Variants in CCNE1 observed in about 807,000 individuals in gnomAD.
The protein encoded by CCNE1 is cyclin E1.
Under a neutral mutation model 54.1 loss-of-function variants are expected in CCNE1, and 8 were observed. The ratio of observed to expected loss-of-function variants is 0.15; its 90% CI spans 0.09 to 0.27. The LOEUF is 0.27. CCNE1 is among the 10% of genes least tolerant of loss of function. The pLI, the probability that CCNE1 is intolerant of heterozygous loss-of-function variation, is 1.00. For synonymous variants in CCNE1, 179 were observed against 185.2 expected, an observed-to-expected ratio of 0.97 and a Z score of 0.27; for missense variants, 430 against 514.9, an observed-to-expected ratio of 0.84 and a Z score of 1.60.
Position 29,823,676 on chromosome 19 carries a change from G to T in CCNE1, c.1132G>T (p.Ala378Ser), listed in dbSNP as rs1463404926. ...DLLDKARAKK[A>S]MLSEQNRASP... The stretch of plus-strand genomic sequence containing the variant: ...ACAGGACAAAGCCCGAGCAAAGAAA[G>T]CCATGTTGTCTGAACAAAATAGGGC... The change falls in exon 12 of 12, where the codon GCC becomes TCC. Residue 378 changes from alanine (A) to serine (S), a missense_variant. This residue lies in a region of CCNE1 where 303 missense variants were observed against 401.1 expected (regional missense o/e 0.76). Transcript: ENST00000262643. The T allele has an allele frequency of 3.1e-6, 5 of 1,614,000 alleles. No homozygotes were observed. The highest frequency in any genetic ancestry group is 2.2e-5 in the East Asian group (1 of 44,852).
At chr19:29,815,642 G>T (rs1329107502) in intron 4 of CCNE1, among the ~76,000 whole-genome samples, 4 of 114,690 alleles carry the variant, frequency 3.5e-5, no homozygotes, top group Non-Finnish European at 6.9e-5. Flanking sequence ...TTTTTTTTTG[G>T]GGGGGGGACA....
At position 29,812,516 on chromosome 19, in the gene CCNE1, C is replaced by G. The variant is rs1310763192; in HGVS notation, c.-24-16C>G. Reference sequence around the variant, plus strand: ...GGCCTGACCCCGCCGCCGCCTCACCCCGCGCCGCCCCGCAGGCCTCAGGCC... The same window carrying G: ...GGCCTGACCCCGCCGCCGCCTCACCGCGCGCCGCCCCGCAGGCCTCAGGCC... On this transcript the variant is annotated splice_polypyrimidine_tract_variant and intron_variant, in intron 1 of 11. Coordinates refer to ENST00000262643, the MANE Select transcript of CCNE1 (RefSeq NM_001238.4). The G allele has an allele frequency of 2.3e-6, 3 of 1,290,144 alleles. No homozygotes were observed. The highest frequency in any genetic ancestry group is 2.9e-4 in the Middle Eastern group (1 of 3,394). 79.9% of individuals were successfully genotyped at this position (1,290,144 alleles called of 1,614,324 possible). A position where few individuals can be genotyped will look rare whatever the true frequency, so the allele number is the denominator to read the frequency against.
chr19:29,818,911 C>T (rs753295544), intron 6 of CCNE1, among the ~76,000 whole-genome samples: 22 of 152,070 alleles, frequency 1.4e-4, no homozygotes, highest in Non-Finnish European at 2.6e-4. Flanking sequence ...TACAGGCATA[C>T]GCCACCACGC....
rs1330739734 is a variant in CCNE1 at position 29,812,794 on chromosome 19, A to G, written c.111+18A>G. ...TGACCGTTGTGAGTACAAAAGAGACAGGTTGGGGAGCATCCCCCCCATCTC... is the reference window on the plus strand; with the variant it reads ...TGACCGTTGTGAGTACAAAAGAGACGGGTTGGGGAGCATCCCCCCCATCTC... On this transcript the variant is annotated intron_variant, in intron 3 of 11. Coordinates refer to ENST00000262643, the MANE Select transcript of CCNE1 (RefSeq NM_001238.4). 1 of 1,538,282 alleles carries G rather than the reference A, an allele frequency of 6.5e-7. No homozygotes were observed. Among genetic ancestry groups the G allele is most frequent in the East Asian group, 2.3e-5 (1 of 42,958 alleles).
At chr19:29,813,972 G>T (rs1973953580) in intron 4 of CCNE1, among the ~76,000 whole-genome samples, 1 of 152,192 alleles carries the variant, frequency 6.6e-6, no homozygotes, top group Non-Finnish European at 1.5e-5. Flanking sequence ...CCCTCACTTT[G>T]CAGAGCAGCA....
intron 4 of CCNE1, among the ~76,000 whole-genome samples, chr19:29,815,803 A>G (rs1237930990): frequency 6.7e-6 from 1 of 148,232 alleles, no homozygotes; most frequent in African/African-American, 2.5e-5. Context: ...TAATTTTTGT[A>G]TTTTTAGTAG....
Position 29,817,275 on chromosome 19 carries a change from G to C in CCNE1, c.319G>C (p.Val107Leu). 1 of 1,614,152 alleles carries C rather than the reference G, an allele frequency of 6.2e-7. No homozygotes were observed. The highest frequency in any genetic ancestry group is 8.5e-7 in the Non-Finnish European group (1 of 1,180,030). The stretch of plus-strand genomic sequence containing the variant: ...ACCATCCAGAGGCTCCCCGCTGCCT[G>C]TACTGAGGTCAGTGCCGACTCTGCC... ...IAPSRGSPLPVLSWANREEVW... is the reference protein window; with the variant it reads ...IAPSRGSPLPLLSWANREEVW... Residue 107 changes from valine (V) to leucine (L), a missense_variant, in exon 5 of 12, where the codon GTA (valine) becomes CTA (leucine). Physicochemically the swap from Val to Leu is conservative, Grantham distance 32 (BLOSUM62 1). This residue lies in a region of CCNE1 where 303 missense variants were observed against 401.1 expected (regional missense o/e 0.76). Transcript: ENST00000262643.
At position 29,821,787 on chromosome 19, in the gene CCNE1, A is replaced by G; in HGVS notation, c.675A>G (p.Glu225=). Residue 225 remains glutamate (E), a synonymous_variant, in exon 8 of 12, where the codon GAA becomes GAG. Coordinates refer to ENST00000262643, the MANE Select transcript of CCNE1 (RefSeq NM_001238.4). ...YVTDGACSGD[E]ILTMELMIMK... ...CAGATGGAGCTTGTTCAGGAGATGA[A>G]ATTCTCACCATGGAATTAATGATTA... 6.2e-7 allele frequency: 1 copy of G among 1,612,884 alleles called. No homozygotes were observed.
chr19:29,821,935 T>A (rs1974157553), intron 8 of CCNE1, 61 bp from the exon 9 acceptor site: 1 of 1,568,100 alleles, frequency 6.4e-7, no homozygotes, highest in Non-Finnish European at 8.7e-7. Context: ...GCATGGAACA[T>A]GGCTGCATTT....
At chr19:29,813,138 A>G in intron 4 of CCNE1, 101 bp downstream of exon 4, 1 of 1,094,674 alleles carries the variant, frequency 9.1e-7, no homozygotes, top group South Asian at 1.3e-5. Context: ...CTCTGGTGAG[A>G]GTGAACTTCT....
At chr19:29,813,312 A>T (rs570005890) in intron 4 of CCNE1, 15 of 457,780 alleles carry the variant, frequency 3.3e-5, no homozygotes, top group African/African-American at 2.9e-4. Flanking sequence ...CACAGTATTC[A>T]GTCCTCCCCT....
chr19:29,817,520 T>G lies in CCNE1; in HGVS notation c.441T>G (p.Ile147Met). ...HPLLQPKMRAILLDWLMEVCE... is the reference protein window; with the variant it reads ...HPLLQPKMRAMLLDWLMEVCE... Reference sequence around the variant, plus strand: ...TTCTGCAGCCAAAAATGCGAGCAATTCTTCTGGATTGGTTAATGGAGGTGA... The same window carrying G: ...TTCTGCAGCCAAAAATGCGAGCAATGCTTCTGGATTGGTTAATGGAGGTGA... The change falls in exon 6 of 12, where the codon ATT becomes ATG. Residue 147 changes from isoleucine to methionine, a missense_variant. Ile to Met is a conservative substitution (Grantham distance 10). Coordinates refer to ENST00000262643, the MANE Select transcript of CCNE1 (RefSeq NM_001238.4). The G allele has an allele frequency of 6.2e-7, 1 of 1,614,190 alleles. No individual in the cohort carries two copies.
chr19:29,820,939 C>A, intron 7 of CCNE1, 91 bp downstream of exon 7: 1 of 974,220 alleles, frequency 1.0e-6, no homozygotes, highest in Non-Finnish European at 1.6e-6. Flanking sequence ...TAGCCTATAG[C>A]ACTCATCCTA....
rs752441215 is a variant in CCNE1 at position 29,822,148 on chromosome 19, G to T, written c.840+18G>T. 5 of 1,611,840 alleles carry T rather than the reference G, an allele frequency of 3.1e-6. No individual in the cohort carries two copies. The highest frequency in any genetic ancestry group is 1.7e-5 in the Admixed American group (1 of 59,992). On this transcript the variant is annotated intron_variant, in intron 9 of 11. Coordinates refer to ENST00000262643, the MANE Select transcript of CCNE1 (RefSeq NM_001238.4). ...TTGCAGAGGTAAGTGGCTCCATCAC[G>T]TCCGTGGGGCCACCTTCCCTGCAGC...
At chr19:29,823,562 AATT>A in intron 11 of CCNE1, 90 bp from the exon 12 acceptor site, 2 of 1,220,330 alleles carry the variant, frequency 1.6e-6, no homozygotes, top group Non-Finnish European at 2.2e-6. Flanking sequence ...AAAAAAAAAA[AATT>A]TAAAAATTAA....
chr19:29,822,375 C>G, intron 10 of CCNE1, 24 bp downstream of exon 10: 2 of 1,613,362 alleles, frequency 1.2e-6, no homozygotes, highest in Non-Finnish European at 1.7e-6. Context: ...CCAGTGCATG[C>G]ACAAACAAGG....
intron 7 of CCNE1, 34 bp downstream of exon 7, chr19:29,820,882 G>C (rs1480551202): frequency 6.6e-7 from 1 of 1,517,548 alleles, no homozygotes; most frequent in African/African-American, 1.4e-5. Context: ...TCTATAATGT[G>C]TGTTATTTCT....
chr19:29,817,738 A>G lies in CCNE1; in HGVS notation c.462+197A>G, dbSNP rs1473057089. ...TTTCTGAAATCTTTTTATCCTTCAG[A>G]TGTTTTAAAATTGGCATCTAATTTT... On this transcript the variant is annotated intron_variant, in intron 6 of 11. Transcript: ENST00000262643. 4.6e-5 allele frequency among the ~76,000 whole-genome samples: 7 copies of G among 151,914 alleles called. No individual in the cohort carries two copies. In the East Asian group the frequency reaches 5.8e-4, roughly 13 times the overall value.
rs1199263662 is a variant in CCNE1 at position 29,820,844 on chromosome 19, T to G, written c.605T>G (p.Leu202Arg). 1 of 1,587,616 alleles carries G rather than the reference T, an allele frequency of 6.3e-7. No individual in the cohort carries two copies. Residue 202 changes from leucine (L) to arginine (R), a missense_variant, in exon 7 of 12, where the codon CTT becomes CGT. Leu to Arg is a moderately radical substitution (Grantham distance 102). This residue lies in a region of CCNE1 where 303 missense variants were observed against 401.1 expected (regional missense o/e 0.76). Transcript: ENST00000262643. The part of the protein sequence containing the change: ...GISSLFIAAK[L>R]EEIYPPKLHQ... ...TCATCTTTATTTATTGCAGCCAAAC[T>G]TGAGGTAAATAATTTTCAAATATTT... is the stretch of plus-strand genomic sequence containing the variant.
Sources: gnomAD v4.1 joint callset for allele counts (sites outside exome capture counted in the v4.1 genomes callset) on GRCh38, gnomAD v4.1.1 for gene constraint, gnomAD v4.1.1 regional missense constraint, MANE v1.5 for transcripts, NCBI Gene and HGNC (gene_info 2026-07-23, HGNC 2026-07-21) for gene names.